The following OPHN1 variants were observed in gnomAD, a reference collection of about 807,000 sequenced individuals.
OPHN1 encodes oligophrenin-1.
In OPHN1, 11 loss-of-function variants were observed where a neutral mutation model predicts 60.7. The ratio of observed to expected loss-of-function variants is 0.18; its 90% CI spans 0.11 to 0.30. The LOEUF (loss-of-function observed/expected upper bound fraction) is 0.30, where lower values mean the gene tolerates loss of function less well. Among genes scored for constraint, OPHN1 ranks in the 10% least tolerant of loss-of-function variants. The pLI is 1.00. For missense variants in OPHN1, 449 were observed against 611.0 expected (o/e 0.73, Z 2.80); for synonymous variants, 226 against 222.6 (o/e 1.02, Z -0.14).
intron 10 of OPHN1, among the ~76,000 whole-genome samples, chrX:68,202,963 G>A (rs1012827181): frequency 6.3e-5 from 7 of 111,356 alleles, no homozygotes. Context: ...CCATTTACCA[G>A]CTATGTGACC....
intron 20 of OPHN1, chrX:68,071,270 C>A (rs1451427866): frequency 2.8e-6 from 2 of 720,387 alleles, no homozygotes; most frequent in Admixed American, 4.4e-5. Context: ...GCTCTGTGAG[C>A]AGTGCCAAAA....
intron 6 of OPHN1, among the ~76,000 whole-genome samples, chrX:68,216,248 T>C (rs960286734): frequency 9.0e-6 from 1 of 111,001 alleles, no homozygotes; most frequent in African/African-American, 3.3e-5. Context: ...ATAATTTACA[T>C]GGTAAGAGAA....
At chrX:68,141,647 T>A (rs1450941548) in intron 15 of OPHN1, among the ~76,000 whole-genome samples, 3 of 111,411 alleles carry the variant, frequency 2.7e-5, no homozygotes, top group Non-Finnish European at 5.6e-5. Flanking sequence ...AATGAAGTCA[T>A]AAGGTGCCAT....
At chrX:68,158,617 A>G (rs1009762743) in intron 15 of OPHN1, among the ~76,000 whole-genome samples, 1 of 112,207 alleles carries the variant, frequency 8.9e-6, no homozygotes, top group African/African-American at 3.2e-5. Context: ...AATCTCAGTA[A>G]GAAGAGCAAG....
chrX:68,379,987 G>A (rs2078586282), intron 2 of OPHN1, among the ~76,000 whole-genome samples: 1 of 110,643 alleles, frequency 9.0e-6, no homozygotes, highest in Non-Finnish European at 1.9e-5. Flanking sequence ...AATTGGAATA[G>A]TTTCAGAAGG....
At chrX:68,253,934 C>T (rs979310026) in intron 5 of OPHN1, among the ~76,000 whole-genome samples, 3 of 112,226 alleles carry the variant, frequency 2.7e-5, no homozygotes, top group African/African-American at 9.7e-5. Context: ...TTGTCCTACA[C>T]ATTCCGTCCC....
At chrX:68,190,898 A>C (rs2077485238) in intron 15 of OPHN1, among the ~76,000 whole-genome samples, 1 of 111,850 alleles carries the variant, frequency 8.9e-6, no homozygotes, top group African/African-American at 3.3e-5. Flanking sequence ...TTTAAAAGTC[A>C]AGAATGTAAG....
intron 5 of OPHN1, among the ~76,000 whole-genome samples, chrX:68,266,178 C>T (rs760347196): frequency 8.0e-4 from 88 of 110,590 alleles, no homozygotes; most frequent in East Asian, 6.0e-3. Flanking sequence ...ATACAGAGAA[C>T]GCCACAAAGA....
intron 6 of OPHN1, among the ~76,000 whole-genome samples, chrX:68,228,077 A>T (rs1473304788): frequency 8.9e-6 from 1 of 111,750 alleles, no homozygotes; most frequent in Non-Finnish European, 1.9e-5. Context: ...TAAAGGGGAT[A>T]TCACCACCTT....
intron 20 of OPHN1, among the ~76,000 whole-genome samples, chrX:68,072,652 G>A (rs745923297): frequency 9.0e-6 from 1 of 111,260 alleles, no homozygotes; most frequent in African/African-American, 3.3e-5. Context: ...GGAGGGCAGA[G>A]GCACATTTAG....
chrX:68,128,895 A>G (rs1340124883), intron 15 of OPHN1, among the ~76,000 whole-genome samples: 1 of 111,983 alleles, frequency 8.9e-6, no homozygotes, highest in Non-Finnish European at 1.9e-5. Flanking sequence ...CGATAAGACC[A>G]TCGTATAAAT....
At chrX:68,417,052 A>C (rs956750053) in intron 2 of OPHN1, among the ~76,000 whole-genome samples, 17 of 107,560 alleles carry the variant, frequency 1.6e-4, no homozygotes, top group Non-Finnish European at 2.9e-4. Flanking sequence ...TCTCCTTGAG[A>C]AATCGAGTTA....
chrX:68,113,993 A>T (rs1282011132), intron 16 of OPHN1, among the ~76,000 whole-genome samples: 1 of 99,525 alleles, frequency 1.0e-5, no homozygotes, highest in African/African-American at 3.8e-5. Flanking sequence ...AAAAAAAAAA[A>T]CATTGGCTGA....
chrX:68,360,167 G>A (rs1241101690), intron 2 of OPHN1, among the ~76,000 whole-genome samples: 3 of 110,451 alleles, frequency 2.7e-5, no homozygotes, highest in Non-Finnish European at 5.7e-5. Context: ...TGAGTGGCTC[G>A]AGGTGCTTTG....
chrX:68,319,644 G>T (rs1308807686), intron 2 of OPHN1, among the ~76,000 whole-genome samples: 1 of 110,489 alleles, frequency 9.1e-6, no homozygotes, highest in Non-Finnish European at 1.9e-5. Context: ...GCTGAGGTGG[G>T]AGGATTGCTC....
rs748012713 is a variant in OPHN1, at chrX:68,257,460, C to G, written c.384+17278G>C. Reference sequence around the variant, plus strand: ...ATTTTGTAGCCTGTGTGACCTTGAACAAGTAGGTCATCCTCTCTGAGCTCT... The same window carrying G: ...ATTTTGTAGCCTGTGTGACCTTGAAGAAGTAGGTCATCCTCTCTGAGCTCT... On this transcript the variant is annotated intron_variant, in intron 5 of 24. Transcript: ENST00000355520. Among the ~76,000 whole-genome samples the G allele has an allele frequency of 7.1e-5, 8 of 111,960 alleles. 1 individual carries two copies. In the South Asian group the frequency reaches 3.0e-3, roughly 42 times the overall value.
At chrX:68,179,019 C>T (rs906269311) in intron 15 of OPHN1, among the ~76,000 whole-genome samples, 1 of 112,011 alleles carries the variant, frequency 8.9e-6, no homozygotes, top group East Asian at 2.8e-4. Flanking sequence ...TATATTCAAG[C>T]CTTCTCTCTA....
chrX:68,383,939 G>T (rs4316283), intron 2 of OPHN1, among the ~76,000 whole-genome samples: 2 of 110,393 alleles, frequency 1.8e-5, no homozygotes, highest in African/African-American at 3.3e-5. Flanking sequence ...AAGGAGGAAC[G>T]TTTGCCAGTT....
intron 15 of OPHN1, among the ~76,000 whole-genome samples, chrX:68,189,296 A>G (rs1402386556): frequency 8.9e-6 from 1 of 112,169 alleles, no homozygotes; most frequent in Non-Finnish European, 1.9e-5. Flanking sequence ...CATTAATAAG[A>G]TAGTTATAGC....
Sources: gnomAD v4.1 joint callset for allele counts (sites outside exome capture counted in the v4.1 genomes callset) on GRCh38, gnomAD v4.1.1 for gene constraint, MANE v1.5 for transcripts, NCBI Gene and HGNC (gene_info 2026-07-23, HGNC 2026-07-21) for gene names.